The following SLC22A23 variants were observed in gnomAD, a reference collection of about 807,000 sequenced individuals.
SLC22A23 encodes ion transporter protein.
SLC22A23 carries 26 observed loss-of-function variants against 61.0 expected under a neutral mutation model. That is an observed-to-expected ratio of 0.43 (90% confidence interval 0.31 to 0.59). SLC22A23 has a LOEUF of 0.59. SLC22A23 is among the 20% of genes least tolerant of loss of function. The probability of loss-of-function intolerance (pLI) is 0.11; values close to 1 mark genes in which losing one functional copy is unlikely to be tolerated. For missense variants in SLC22A23, 796 were observed against 934.7 expected (o/e 0.85, Z 1.94); for synonymous variants, 430 against 413.9 (o/e 1.04, Z -0.47).
intron 3 of SLC22A23, among the ~76,000 whole-genome samples, chr6:3,354,680 G>A (rs1764967462): frequency 6.6e-6 from 1 of 152,212 alleles, no homozygotes; most frequent in African/African-American, 2.4e-5. Context: ...GGGAAGTCAA[G>A]GTGTTGGAGG....
intron 1 of SLC22A23, among the ~76,000 whole-genome samples, chr6:3,452,234 C>T: frequency 6.6e-6 from 1 of 152,150 alleles, no homozygotes; most frequent in East Asian, 1.9e-4. Flanking sequence ...AGCATCTGTA[C>T]CTGGTTCTTG....
chr6:3,335,406 G>T (rs920143879), intron 3 of SLC22A23, among the ~76,000 whole-genome samples: 4 of 151,608 alleles, frequency 2.6e-5, no homozygotes, highest in African/African-American at 9.8e-5. Flanking sequence ...ACGTGGACAG[G>T]GCCATGAGGA....
intron 4 of SLC22A23, chr6:3,303,407 A>T (rs1211108603): frequency 1.3e-5 from 2 of 152,250 alleles, no homozygotes; most frequent in Non-Finnish European, 2.9e-5. Context: ...TCCTGAGTTT[A>T]TTGCAGCATT....
At chr6:3,335,945 C>T (rs1158361802) in intron 3 of SLC22A23, among the ~76,000 whole-genome samples, 3 of 152,062 alleles carry the variant, frequency 2.0e-5, no homozygotes, top group Admixed American at 6.5e-5. Context: ...AAAAATTAGC[C>T]GGGCGCGGTG....
intron 1 of SLC22A23, among the ~76,000 whole-genome samples, chr6:3,442,003 A>G (rs1319347246): frequency 6.6e-6 from 1 of 152,204 alleles, no homozygotes; most frequent in Non-Finnish European, 1.5e-5. Context: ...CACATGCACC[A>G]TAGCCAAGGG....
intron 3 of SLC22A23, among the ~76,000 whole-genome samples, chr6:3,388,538 C>T (rs1013705660): frequency 5.3e-5 from 8 of 152,178 alleles, no homozygotes; most frequent in Middle Eastern, 3.2e-3. Context: ...CCATATGACC[C>T]AGCCATCCCA....
chr6:3,415,770 G>A lies in SLC22A23; in HGVS notation c.740C>T (p.Thr247Ile). ...TACTCACCAGTCAGCAATGCATCCA[G>A]TTATTAGGTAGCCAAAGATTAATCC... ...LVGLIFGYLI[T>I]GCIADWVGRR... is the part of the protein sequence containing the mutation. Residue 247 changes from threonine (T) to isoleucine (I), a missense_variant, in exon 2 of 10, where the codon ACT becomes ATT. Thr to Ile is a moderately conservative substitution (Grantham distance 89). Transcript: ENST00000406686. 6.4e-7 allele frequency: 1 copy of A among 1,551,676 alleles called. No homozygotes were observed. Among genetic ancestry groups the A allele is most frequent in the South Asian group, 1.2e-5 (1 of 84,036 alleles).
intron 1 of SLC22A23, among the ~76,000 whole-genome samples, chr6:3,438,852 T>G (rs940710076): frequency 1.3e-5 from 2 of 152,188 alleles, no homozygotes; most frequent in African/African-American, 4.8e-5. Context: ...AACCCTTTCT[T>G]CACAGAGGGC....
intron 5 of SLC22A23, among the ~76,000 whole-genome samples, chr6:3,292,740 T>C (rs886107973): frequency 1.3e-5 from 2 of 152,198 alleles, no homozygotes; most frequent in African/African-American, 2.4e-5. Context: ...AGCTACGCTC[T>C]CCTTGGAAAA....
intron 4 of SLC22A23, among the ~76,000 whole-genome samples, chr6:3,321,354 C>T (rs879274561): frequency 2.6e-5 from 4 of 152,160 alleles, no homozygotes; most frequent in Non-Finnish European, 5.9e-5. Context: ...ACCTTGGGAC[C>T]GCCATCCTCA....
In SLC22A23 at chr6:3,283,826, C is replaced by A. The variant is rs771734733; in HGVS notation, c.1703+26G>T. 1.9e-6 allele frequency: 3 copies of A among 1,612,894 alleles called. No individual in the cohort carries two copies. In the South Asian group the frequency reaches 3.3e-5, roughly 18 times the overall value. ...TCTTTGATTTCCGAGAAGCCGGCGT[C>A]CCCTGGGGTGTCTCCCATGACGCAC... On this transcript the variant is annotated intron_variant, in intron 9 of 9. Coordinates refer to ENST00000406686, the MANE Select transcript of SLC22A23 (RefSeq NM_015482.2).
rs183739459 is a variant in SLC22A23 at position 3,386,027 on chromosome 6, C to G, written c.913+24161G>C. Among the ~76,000 whole-genome samples, 1 of 152,310 alleles carries G rather than the reference C, an allele frequency of 6.6e-6. No homozygotes were observed. Among genetic ancestry groups the G allele is most frequent in the Admixed American group, 6.5e-5 (1 of 15,304 alleles). On this transcript the variant is annotated intron_variant, in intron 3 of 9. Coordinates refer to ENST00000406686, the MANE Select transcript of SLC22A23 (RefSeq NM_015482.2). The surrounding 1 kb of genome is among the most constrained non-coding windows in gnomAD (Gnocchi z 4.4). Reference sequence around the variant, plus strand: ...TTGAGCAGGACGCTGCCAGATGTGACACATCTCACTCTAAATGATGCGGCT... The same window carrying G: ...TTGAGCAGGACGCTGCCAGATGTGAGACATCTCACTCTAAATGATGCGGCT...
At chr6:3,366,207 C>G (rs2127456632) in intron 3 of SLC22A23, among the ~76,000 whole-genome samples, 1 of 151,844 alleles carries the variant, frequency 6.6e-6, no homozygotes, top group East Asian at 1.9e-4. Context: ...GTGGCATGCA[C>G]CTGTAGTCCC....
intron 1 of SLC22A23, among the ~76,000 whole-genome samples, chr6:3,428,781 T>C (rs1207619384): frequency 6.6e-6 from 1 of 152,228 alleles, no homozygotes; most frequent in Non-Finnish European, 1.5e-5. Flanking sequence ...AAGCCAGCAG[T>C]TGAAGCTTTT....
At chr6:3,383,808 G>A (rs1767110001) in intron 3 of SLC22A23, among the ~76,000 whole-genome samples, 1 of 152,228 alleles carries the variant, frequency 6.6e-6, no homozygotes. Context: ...GGCTGAGAGG[G>A]CCCCCTGAGG....
chr6:3,359,622 A>G (rs771725623), intron 3 of SLC22A23, among the ~76,000 whole-genome samples: 64 of 152,220 alleles, frequency 4.2e-4, no homozygotes, highest in Non-Finnish European at 7.9e-4. Context: ...GGTGCAGCCA[A>G]CTGGAGAAAA....
At chr6:3,280,121 C>T (rs1389889189) in intron 9 of SLC22A23, among the ~76,000 whole-genome samples, 1 of 152,168 alleles carries the variant, frequency 6.6e-6, no homozygotes, top group African/African-American at 2.4e-5. Context: ...GAAATAAATA[C>T]AACTGCTGAA....
intron 3 of SLC22A23, among the ~76,000 whole-genome samples, chr6:3,381,787 C>A (rs770459764): frequency 1.3e-5 from 2 of 152,180 alleles, no homozygotes; most frequent in African/African-American, 2.4e-5. Flanking sequence ...AGTTCCTTTT[C>A]TTATCAGCAT....
intron 9 of SLC22A23, among the ~76,000 whole-genome samples, chr6:3,281,010 C>T (rs973597138): frequency 2.0e-5 from 3 of 152,122 alleles, no homozygotes; most frequent in African/African-American, 7.2e-5. Flanking sequence ...AGAAAACAGG[C>T]GGGTGTCATG....
Sources: gnomAD v4.1 joint callset for allele counts (sites outside exome capture counted in the v4.1 genomes callset) on GRCh38, gnomAD v4.1.1 for gene constraint, Gnocchi (gnomAD v3.1) non-coding constraint, MANE v1.5 for transcripts, NCBI Gene and HGNC (gene_info 2026-07-23, HGNC 2026-07-21) for gene names.